The following ROR1 variants were observed in gnomAD, a reference collection of about 807,000 sequenced individuals.
ROR1 encodes inactive tyrosine-protein kinase transmembrane receptor ROR1.
Under a neutral mutation model 78.8 loss-of-function variants are expected in ROR1, and 19 were observed. The observed-to-expected ratio is 0.24, with a 90% confidence interval of 0.17 to 0.35. ROR1 has a LOEUF of 0.35. Among genes scored for constraint, ROR1 ranks in the 10% least tolerant of loss-of-function variants. The pLI is 1.00. For missense variants in ROR1, 917 were observed against 1,177.8 expected (o/e 0.78, Z 3.24); for synonymous variants, 386 against 433.6 (o/e 0.89, Z 1.36).
chr1:63,915,448 G>A (rs1645601788), intron 1 of ROR1, among the ~76,000 whole-genome samples: 1 of 152,134 alleles, frequency 6.6e-6, no homozygotes, highest in African/African-American at 2.4e-5. Context: ...GAGTGGGCAG[G>A]GTTTTTATAG....
At chr1:64,142,897 C>A in intron 7 of ROR1, 1 of 1,336,122 alleles carries the variant, frequency 7.5e-7, no homozygotes, top group Non-Finnish European at 9.6e-7. Context: ...TAACAGGGAC[C>A]CAGCCCTTCA....
chr1:63,880,147 A>G (rs974086215), intron 1 of ROR1, among the ~76,000 whole-genome samples: 6 of 152,188 alleles, frequency 3.9e-5, no homozygotes, highest in African/African-American at 2.4e-5. Flanking sequence ...AATGACTACA[A>G]GAGCTCTTCT....
intron 1 of ROR1, among the ~76,000 whole-genome samples, chr1:63,922,025 C>A (rs564038145): frequency 1.3e-4 from 20 of 152,330 alleles, no homozygotes; most frequent in African/African-American, 4.8e-4. Flanking sequence ...TCAGCCTATT[C>A]TGTATTCAGG....
chr1:63,893,223 T>C (rs1300679635), intron 1 of ROR1, among the ~76,000 whole-genome samples: 2 of 152,066 alleles, frequency 1.3e-5, no homozygotes, highest in African/African-American at 4.8e-5. Flanking sequence ...GAGAGGGCAG[T>C]GAGGCGTGAA....
chr1:63,804,562 A>G lies in ROR1; in HGVS notation c.91+30054A>G, dbSNP rs145206413. On this transcript the variant is annotated intron_variant, in intron 1 of 8. Transcript: ENST00000371079. ...GAAGAACCCCAGTGAAGATGTATGA[A>G]TGAGGATGAGCGTGGACATCTGTTC... Among the ~76,000 whole-genome samples, 9 of 152,322 alleles carry G rather than the reference A, an allele frequency of 5.9e-5. No homozygotes were observed. In the East Asian group the frequency reaches 1.7e-3, roughly 29 times the overall value.
chr1:64,101,217 A>G (rs1647527464), intron 4 of ROR1, among the ~76,000 whole-genome samples: 1 of 152,140 alleles, frequency 6.6e-6, no homozygotes, highest in Non-Finnish European at 1.5e-5. Flanking sequence ...TAAAAACCTT[A>G]AACTGGGACA....
At chr1:64,085,457 G>A (rs1185179873) in intron 4 of ROR1, among the ~76,000 whole-genome samples, 1 of 152,172 alleles carries the variant, frequency 6.6e-6, no homozygotes, top group Non-Finnish European at 1.5e-5. Flanking sequence ...CAAGAGAGCT[G>A]CCATTACAGA....
At chr1:63,798,525 GA>G (rs1644776565) in intron 1 of ROR1, among the ~76,000 whole-genome samples, 1 of 152,124 alleles carries the variant, frequency 6.6e-6, no homozygotes, top group African/African-American at 2.4e-5. Flanking sequence ...CGCTGCCATA[GA>G]GAGGAGGTAA....
At chr1:64,053,224 C>T (rs1646847582) in intron 4 of ROR1, among the ~76,000 whole-genome samples, 1 of 152,204 alleles carries the variant, frequency 6.6e-6, no homozygotes, top group African/African-American at 2.4e-5. Flanking sequence ...CTCTAACATT[C>T]AGAACGTAAG....
intron 4 of ROR1, among the ~76,000 whole-genome samples, chr1:64,073,312 G>C (rs1019846463): frequency 2.0e-4 from 30 of 152,124 alleles, no homozygotes; most frequent in African/African-American, 6.5e-4. Context: ...ACTCCTCTGT[G>C]TGCCCCTTCC....
chr1:63,998,410 C>T (rs1280626636), intron 1 of ROR1, among the ~76,000 whole-genome samples: 1 of 151,752 alleles, frequency 6.6e-6, no homozygotes, highest in African/African-American at 2.4e-5. Flanking sequence ...TCAGAAGCAT[C>T]CTTCTGTTTG....
chr1:63,935,287 C>T (rs1164609953), intron 1 of ROR1, among the ~76,000 whole-genome samples: 2 of 152,056 alleles, frequency 1.3e-5, no homozygotes, highest in Admixed American at 6.5e-5. Flanking sequence ...TCTGCAAGCC[C>T]AGGAGATCAT....
chr1:63,960,402 A>T (rs1207691273), intron 1 of ROR1, among the ~76,000 whole-genome samples: 2 of 152,154 alleles, frequency 1.3e-5, no homozygotes, highest in Non-Finnish European at 2.9e-5. Context: ...CCGTCAAGGG[A>T]GAAGGTCTTA....
At chr1:63,988,114 T>C (rs1415731787) in intron 1 of ROR1, among the ~76,000 whole-genome samples, 1 of 152,192 alleles carries the variant, frequency 6.6e-6, no homozygotes, top group Non-Finnish European at 1.5e-5. Context: ...TAACAAATTG[T>C]TCCTCATTAA....
intron 1 of ROR1, among the ~76,000 whole-genome samples, chr1:63,801,196 A>G (rs1261997881): frequency 1.3e-5 from 2 of 152,176 alleles, no homozygotes; most frequent in Non-Finnish European, 1.5e-5. Flanking sequence ...TTAAAGAATT[A>G]AAAAGCATTT....
rs746163306 is a variant in ROR1 at position 63,992,981 on chromosome 1, C to T, written c.92-16324C>T. On this transcript the variant is annotated intron_variant, in intron 1 of 8. Transcript: ENST00000371079. ...TCTTTTTCTGCCTGCCAGTCAGAGT[C>T]AGCAAATATTAGATACCTAATAAGT... Among the ~76,000 whole-genome samples the T allele has an allele frequency of 5.3e-5, 8 of 152,116 alleles. No homozygotes were observed. In the East Asian group the frequency reaches 1.5e-3, roughly 29 times the overall value.
At chr1:63,962,684 G>T (rs1646039493) in intron 1 of ROR1, among the ~76,000 whole-genome samples, 1 of 152,190 alleles carries the variant, frequency 6.6e-6, no homozygotes, top group Admixed American at 6.5e-5. Flanking sequence ...GGAGTGGAGA[G>T]TGTCACGATG....
At chr1:64,052,261 T>A (rs1462593103) in intron 4 of ROR1, among the ~76,000 whole-genome samples, 1 of 151,646 alleles carries the variant, frequency 6.6e-6, no homozygotes, top group Non-Finnish European at 1.5e-5. Context: ...TAAACAAAGA[T>A]GAAAACTTTT....
chr1:64,109,104 T>C (rs1019964873), intron 4 of ROR1, among the ~76,000 whole-genome samples: 1 of 152,130 alleles, frequency 6.6e-6, no homozygotes, highest in Non-Finnish European at 1.5e-5. Flanking sequence ...GGGTGGTTCC[T>C]GGCAATCTGC....
Sources: allele counts gnomAD v4.1 joint callset (sites outside exome capture counted in the v4.1 genomes callset), GRCh38; gene constraint gnomAD v4.1.1; transcripts MANE v1.5; gene names NCBI Gene and HGNC (gene_info 2026-07-23, HGNC 2026-07-21).